SNX2: variants seen among roughly 807,000 people sequenced by gnomAD.
SNX2 encodes the protein sorting nexin-2.
Under a neutral mutation model 69.9 loss-of-function variants are expected in SNX2, and 25 were observed. The ratio of observed to expected loss-of-function variants is 0.36; its 90% CI spans 0.26 to 0.50. SNX2 has a LOEUF of 0.50. SNX2 is among the 20% of genes least tolerant of loss of function. The probability of loss-of-function intolerance (pLI) is 0.97; values close to 1 mark genes in which losing one functional copy is unlikely to be tolerated. For synonymous variants in SNX2, 229 were observed against 200.4 expected, an observed-to-expected ratio of 1.14 and a Z score of -1.20; for missense variants, 551 against 613.3, an observed-to-expected ratio of 0.90 and a Z score of 1.07.
chr5:122,829,601 A>T lies in SNX2; in HGVS notation c.1513A>T (p.Ile505Leu). The change falls in exon 15 of 15, where the codon ATA becomes TTA. Residue 505 changes from isoleucine (I) to leucine (L), a missense_variant. Coordinates refer to ENST00000379516, the MANE Select transcript of SNX2 (RefSeq NM_003100.4). ...ATATTTTAATTATCATTCACAGCTG[A>T]TAAAATACTGGGAAGCATTCCTACC... ...ESLVQTQQQL[I>L]KYWEAFLPEA... 6.2e-7 allele frequency: 1 copy of T among 1,611,736 alleles called. No homozygotes were observed. The highest frequency in any genetic ancestry group is 8.5e-7 in the Non-Finnish European group (1 of 1,177,906).
In SNX2 at chr5:122,829,658, T is replaced by C. The variant is rs1462988601; in HGVS notation, c.*10T>C. The C allele has an allele frequency of 1.9e-6, 3 of 1,611,970 alleles. No homozygotes were observed. The highest frequency in any genetic ancestry group is 1.1e-5 in the South Asian group (1 of 91,054). On this transcript the variant is annotated 3_prime_UTR_variant, in exon 15 of 15. Coordinates refer to ENST00000379516, the MANE Select transcript of SNX2 (RefSeq NM_003100.4). ...CAAAGCCATTGCCTAGCAATAAGATTGTTGCCGTTAAGAAGACCTTGGATG... is the reference window on the plus strand; with the variant it reads ...CAAAGCCATTGCCTAGCAATAAGATCGTTGCCGTTAAGAAGACCTTGGATG...
intron 8 of SNX2, 41 bp downstream of exon 8, chr5:122,816,012 G>A (rs201908827): frequency 1.9e-5 from 21 of 1,115,018 alleles, no homozygotes; most frequent in African/African-American, 7.8e-5. Context: ...GAATGTTCTC[G>A]TTATTTGTCA....
chr5:122,825,204 T>G (rs1754126476), intron 11 of SNX2, among the ~76,000 whole-genome samples: 1 of 152,122 alleles, frequency 6.6e-6, no homozygotes, highest in African/African-American at 2.4e-5. Flanking sequence ...TTATTAACAT[T>G]TACTTCATGA....
At chr5:122,806,069 C>T (rs553230661) in intron 6 of SNX2, among the ~76,000 whole-genome samples, 3 of 150,674 alleles carry the variant, frequency 2.0e-5, no homozygotes, top group South Asian at 4.2e-4. Context: ...CGTGAGCCAC[C>T]GCGCCTGGCC....
In SNX2 at chr5:122,818,903, G is replaced by A. The variant is rs760331270; in HGVS notation, c.1092G>A (p.Leu364=). Residue 364 remains leucine, a synonymous_variant, in exon 11 of 15, where the codon TTG becomes TTA. Transcript: ENST00000379516. ...ATCATACTGCTTTATCTAGAGCTTT[G>A]TCTCAGCTTGCAGAGGTTGAGGAGA... ...SEDHTALSRA[L]SQLAEVEEKI... 1.2e-6 allele frequency: 2 copies of A among 1,613,926 alleles called. No individual in the cohort carries two copies. The highest frequency in any genetic ancestry group is 2.2e-5 in the South Asian group (2 of 91,080).
intron 2 of SNX2, 182 bp downstream of exon 2, chr5:122,795,565 A>C: frequency 2.0e-6 from 1 of 493,538 alleles, no homozygotes; most frequent in Non-Finnish European, 3.6e-6. Flanking sequence ...CTGTCCAGAG[A>C]AGCAAAAATG....
At chr5:122,789,771 C>A (rs1753186132) in intron 1 of SNX2, among the ~76,000 whole-genome samples, 1 of 152,094 alleles carries the variant, frequency 6.6e-6, no homozygotes, top group African/African-American at 2.4e-5. Context: ...TGACTGAGGC[C>A]CACTTTCAGG....
chr5:122,809,510 G>A (rs932557059), intron 7 of SNX2, among the ~76,000 whole-genome samples: 3 of 152,174 alleles, frequency 2.0e-5, no homozygotes, highest in African/African-American at 7.2e-5. Context: ...TGCTGACAAA[G>A]TGAGAAAACA....
At chr5:122,795,618 T>C (rs1753359716) in intron 2 of SNX2, 1 of 346,726 alleles carries the variant, frequency 2.9e-6, no homozygotes. Flanking sequence ...AATTGTATAT[T>C]ATAATTTGAT....
intron 10 of SNX2, 124 bp downstream of exon 10, chr5:122,817,497 A>G (rs191798001): frequency 4.7e-6 from 3 of 640,606 alleles, no homozygotes; most frequent in Admixed American, 3.6e-5. Context: ...ATTTAAGACA[A>G]TGTTTTCTAG....
intron 10 of SNX2, among the ~76,000 whole-genome samples, chr5:122,818,387 T>G (rs1186727514): frequency 1.3e-5 from 2 of 152,214 alleles, no homozygotes; most frequent in East Asian, 3.8e-4. Context: ...CTAAATAATA[T>G]TCTCATTAAA....
At chr5:122,804,913 A>G (rs914930217) in intron 6 of SNX2, among the ~76,000 whole-genome samples, 8 of 151,880 alleles carry the variant, frequency 5.3e-5, no homozygotes, top group Admixed American at 4.6e-4. Flanking sequence ...CACTACCATT[A>G]CTTTTCTTTA....
chr5:122,809,240 C>T (rs545632750), intron 7 of SNX2, among the ~76,000 whole-genome samples: 10 of 152,184 alleles, frequency 6.6e-5, no homozygotes, highest in Admixed American at 1.3e-4. Flanking sequence ...GCAAACACTA[C>T]GCCATTTTCT....
intron 2 of SNX2, among the ~76,000 whole-genome samples, chr5:122,797,293 GT>G (rs1322917961): frequency 1.3e-5 from 2 of 152,152 alleles, no homozygotes; most frequent in Non-Finnish European, 2.9e-5. Flanking sequence ...ATCAAATATG[GT>G]GAATATCAGT....
chr5:122,781,435 G>A (rs142366244), intron 1 of SNX2, among the ~76,000 whole-genome samples: 7 of 152,312 alleles, frequency 4.6e-5, no homozygotes, highest in Non-Finnish European at 1.0e-4. Context: ...GTTGTTTCCA[G>A]TTTGGGGTAT....
intron 6 of SNX2, among the ~76,000 whole-genome samples, chr5:122,805,180 A>T (rs1753610217): frequency 6.6e-6 from 1 of 151,086 alleles, no homozygotes; most frequent in Non-Finnish European, 1.5e-5. Flanking sequence ...AATCCCAGCT[A>T]CTTGGGAGGC....
chr5:122,809,332 A>T (rs1038563635), intron 7 of SNX2, among the ~76,000 whole-genome samples: 1 of 152,160 alleles, frequency 6.6e-6, no homozygotes, highest in African/African-American at 2.4e-5. Flanking sequence ...AGGGACAGCT[A>T]TACTTAAAGA....
intron 3 of SNX2, among the ~76,000 whole-genome samples, chr5:122,801,605 T>TA (rs34058769): frequency 0.24 from 29,144 of 123,610 alleles, 4,042 homozygotes; most frequent in East Asian, 0.45. Flanking sequence ...ACTCTATCTT[T>TA]AAAAAAAAAA....
intron 1 of SNX2, among the ~76,000 whole-genome samples, chr5:122,781,677 T>G (rs756200276): frequency 2.6e-5 from 4 of 152,190 alleles, no homozygotes; most frequent in Non-Finnish European, 4.4e-5. Context: ...CTTGTTATTA[T>G]CAATTTTAAT....
Sources: allele counts gnomAD v4.1 joint callset (sites outside exome capture counted in the v4.1 genomes callset), GRCh38; gene constraint gnomAD v4.1.1; transcripts MANE v1.5; gene names NCBI Gene and HGNC (gene_info 2026-07-23, HGNC 2026-07-21).